Variants in SRPRB observed in about 807,000 individuals in gnomAD.
SRPRB encodes signal recognition particle receptor subunit beta.
In SRPRB, 20 loss-of-function variants were observed where a neutral mutation model predicts 31.9. The ratio of observed to expected loss-of-function variants is 0.63; its 90% confidence interval spans 0.44 to 0.91. SRPRB has a LOEUF of 0.91. Among genes scored for constraint, SRPRB ranks in the 40% least tolerant of loss-of-function variants. The pLI, the probability that SRPRB is intolerant of heterozygous loss-of-function variation, is 0.00. For synonymous variants in SRPRB, 146 were observed against 132.8 expected, an observed-to-expected ratio of 1.10 and a Z score of -0.68; for missense variants, 321 against 324.9, an observed-to-expected ratio of 0.99 and a Z score of 0.09.
At chr3:133,811,285 G>C (rs1935257657) in intron 4 of SRPRB, 86 bp downstream of exon 4, 1 of 1,419,002 alleles carries the variant, frequency 7.0e-7, no homozygotes, top group Non-Finnish European at 9.9e-7. Flanking sequence ...GGTGGTGTTT[G>C]GGAGGCAGCA....
intron 1 of SRPRB, among the ~76,000 whole-genome samples, chr3:133,798,408 G>C (rs1228022164): frequency 2.0e-5 from 3 of 152,140 alleles, no homozygotes; most frequent in Non-Finnish European, 4.4e-5. Context: ...TCATGGCATA[G>C]AACTACTAAT....
chr3:133,797,126 T>C (rs569858403), intron 1 of SRPRB, among the ~76,000 whole-genome samples: 6 of 152,354 alleles, frequency 3.9e-5, no homozygotes, highest in South Asian at 2.1e-4. Flanking sequence ...TTGCATAACA[T>C]TGGATGGTGT....
At chr3:133,792,522 T>C (rs1189832148) in intron 1 of SRPRB, 1 of 152,182 alleles carries the variant, frequency 6.6e-6, no homozygotes, top group African/African-American at 2.4e-5. Flanking sequence ...TGTACTTCTC[T>C]CTGGGTCCTA....
At chr3:133,822,692 TTTTC>T (rs1935494259), downstream of SRPRB, among the ~76,000 whole-genome samples, 2 of 152,220 alleles carry the variant, frequency 1.3e-5, no homozygotes, top group African/African-American at 2.4e-5. Flanking sequence ...AGTCTATGTT[TTTTC>T]TTGTTTTTGA....
chr3:133,825,425 C>T (rs1276699023), downstream of SRPRB: 1 of 152,266 alleles, frequency 6.6e-6, no homozygotes. Context: ...TTGCTCCCCT[C>T]AGACCTGGGA....
chr3:133,789,597 T>C (rs1297508482), intron 1 of SRPRB: 1 of 152,262 alleles, frequency 6.6e-6, no homozygotes, highest in African/African-American at 2.4e-5. Context: ...TATTTGCACA[T>C]TTGTTATATG....
chr3:133,817,516 A>G (rs1341537351), intron 6 of SRPRB, among the ~76,000 whole-genome samples: 2 of 152,170 alleles, frequency 1.3e-5, no homozygotes, highest in African/African-American at 4.8e-5. Flanking sequence ...GAGTGTTTCA[A>G]GGTTTGTAAA....
At chr3:133,808,620 G>A (rs1409667257) in intron 3 of SRPRB, among the ~76,000 whole-genome samples, 1 of 151,848 alleles carries the variant, frequency 6.6e-6, no homozygotes, top group African/African-American at 2.4e-5. Context: ...GCCTGGCTTG[G>A]TGGCTCACGC....
intron 4 of SRPRB, among the ~76,000 whole-genome samples, chr3:133,813,983 A>C (rs187485251): frequency 6.6e-6 from 1 of 152,208 alleles, no homozygotes; most frequent in East Asian, 1.9e-4. Flanking sequence ...TTCTAAGGGA[A>C]CTTTTTTTGC....
chr3:133,802,533 C>G (rs955392249), upstream of SRPRB, among the ~76,000 whole-genome samples: 2 of 152,226 alleles, frequency 1.3e-5, no homozygotes, highest in African/African-American at 4.8e-5. Context: ...CCACACTGCC[C>G]CATCCCTTGC....
chr3:133,819,693 C>T lies in SRPRB; in HGVS notation c.743C>T (p.Ala248Val), dbSNP rs1417255122. 3 of 1,614,100 alleles carry T rather than the reference C, an allele frequency of 1.9e-6. No homozygotes were observed. Among genetic ancestry groups the T allele is most frequent in the East Asian group, 2.2e-5 (1 of 44,884 alleles). Residue 248 changes from alanine (A) to valine (V), a missense_variant, in exon 7 of 7, where the codon GCC (alanine) becomes GTC (valine). By Grantham distance (64) the Ala-to-Val change is moderately conservative. Coordinates refer to ENST00000678299, the MANE Select transcript of SRPRB (RefSeq NM_001379313.1). ...PLKVEFLECS[A>V]KGGRGDVGSA... ...AAAGTGGAGTTCCTGGAGTGCAGTGCCAAGGGTGGAAGAGGGGACGTGGGC... is the reference window on the plus strand; with the variant it reads ...AAAGTGGAGTTCCTGGAGTGCAGTGTCAAGGGTGGAAGAGGGGACGTGGGC...
downstream of SRPRB, chr3:133,827,575 C>T (rs1351607783): frequency 6.3e-6 from 2 of 317,602 alleles, no homozygotes; most frequent in Non-Finnish European, 1.2e-5. Flanking sequence ...CTCAGGTGAC[C>T]ACAGCGCAGC....
downstream of SRPRB, among the ~76,000 whole-genome samples, chr3:133,821,783 T>A (rs1291322996): frequency 6.6e-6 from 1 of 152,172 alleles, no homozygotes; most frequent in Non-Finnish European, 1.5e-5. Context: ...GCTTAATAAG[T>A]CTTTTGTCAG....
chr3:133,801,666 A>G (rs1321930548), upstream of SRPRB, among the ~76,000 whole-genome samples: 2 of 152,144 alleles, frequency 1.3e-5, no homozygotes, highest in Non-Finnish European at 2.9e-5. Flanking sequence ...CAGGAGGTCT[A>G]ATGGTAATAT....
chr3:133,827,746 A>ACCACCCCCCCCCCCC (rs1559896922), downstream of SRPRB: 12 of 73,622 alleles, frequency 1.6e-4, 1 homozygote, highest in Non-Finnish European at 2.7e-4. Context: ...TGCAGACAAC[A>ACCACCCCCCCCCCCC]CCCCCCCCCC....
chr3:133,811,172 T>C lies in SRPRB; in HGVS notation c.383T>C (p.Phe128Ser). Residue 128 changes from phenylalanine to serine, a missense_variant, in exon 4 of 7, where the codon TTC (phenylalanine) becomes TCC (serine). Transcript: ENST00000678299. ...LPGHESLRLQ[F>S]LERFKSSARA... ...GGCCATGAGAGTTTGAGGCTTCAGT[T>C]CTTAGAGCGGTTTAAGTCTTCAGCC... 1.2e-6 allele frequency: 2 copies of C among 1,614,186 alleles called. No individual in the cohort carries two copies. Among genetic ancestry groups the C allele is most frequent in the Non-Finnish European group, 1.7e-6 (2 of 1,180,028 alleles).
At chr3:133,798,828 T>C (rs1412522996) in intron 1 of SRPRB, among the ~76,000 whole-genome samples, 4 of 152,198 alleles carry the variant, frequency 2.6e-5, no homozygotes, top group Non-Finnish European at 5.9e-5. Flanking sequence ...CTTTGCTTCA[T>C]GTGTTTTCCA....
At chr3:133,811,685 T>G (rs1191199579) in intron 4 of SRPRB, among the ~76,000 whole-genome samples, 1 of 151,432 alleles carries the variant, frequency 6.6e-6, no homozygotes, top group African/African-American at 2.4e-5. Context: ...TGGGTTCAAG[T>G]GATTCTCCTG....
intron 6 of SRPRB, among the ~76,000 whole-genome samples, chr3:133,818,785 A>AGTGTGT (rs146467727): frequency 0.17 from 24,356 of 144,050 alleles, 2,100 homozygotes; most frequent in Admixed American, 0.24. Flanking sequence ...ATACTTTTAC[A>AGTGTGT]GTGTGTGTGT....
Sources: gnomAD v4.1 joint callset for allele counts (sites outside exome capture counted in the v4.1 genomes callset) on GRCh38, gnomAD v4.1.1 for gene constraint, MANE v1.5 for transcripts, NCBI Gene and HGNC (gene_info 2026-07-23, HGNC 2026-07-21) for gene names.